Variants in CD59 observed in about 807,000 individuals in gnomAD.
CD59 encodes CD59 molecule (CD59 blood group).
In CD59, 3 loss-of-function variants were observed where a neutral mutation model predicts 7.0. The observed-to-expected ratio is 0.43, with a 90% CI of 0.19 to 1.10. CD59 has a LOEUF of 1.10. CD59 is among the 50% of genes least tolerant of loss of function. CD59 has a pLI of 0.29. For synonymous variants in CD59, 60 were observed against 62.0 expected, an observed-to-expected ratio of 0.97 and a Z score of 0.15; for missense variants, 143 against 151.0, an observed-to-expected ratio of 0.95 and a Z score of 0.28.
intron 3 of CD59, among the ~76,000 whole-genome samples, chr11:33,715,338 G>A (rs1483074406): frequency 2.0e-5 from 3 of 152,096 alleles, no homozygotes; most frequent in Non-Finnish European, 4.4e-5. Flanking sequence ...GGTAGCTCAC[G>A]CCTGTAATCC....
At chr11:33,727,570 T>C (rs1478526514) in intron 1 of CD59, among the ~76,000 whole-genome samples, 1 of 152,212 alleles carries the variant, frequency 6.6e-6, no homozygotes, top group African/African-American at 2.4e-5. Context: ...AATATCATAC[T>C]GAATGGGCAA....
intron 2 of CD59, chr11:33,718,423 C>A (rs1021034102): frequency 2.0e-5 from 3 of 152,010 alleles, no homozygotes; most frequent in African/African-American, 7.3e-5. Flanking sequence ...GCAGAGGTTG[C>A]AGTGAGCCAC....
chr11:33,729,963 T>C (rs1347562884), intron 1 of CD59, among the ~76,000 whole-genome samples: 1 of 152,120 alleles, frequency 6.6e-6, no homozygotes, highest in Non-Finnish European at 1.5e-5. Flanking sequence ...TGAAAATATA[T>C]TGGAAAATAT....
intron 1 of CD59, among the ~76,000 whole-genome samples, chr11:33,733,871 G>A (rs1590549571): frequency 6.6e-6 from 1 of 152,178 alleles, no homozygotes; most frequent in African/African-American, 2.4e-5. Flanking sequence ...ACTCCTCCTA[G>A]GAGCCTGAGG....
At position 33,711,615 on chromosome 11, in the gene CD59, T is replaced by G. The variant is rs1853563266; in HGVS notation, c.170-1272A>C. Reference sequence around the variant, plus strand: ...TCACTTGGACTCAGGACTTTAAGGCTGCAGTGAGCTATGATTGTACTGCTG... The same window carrying G: ...TCACTTGGACTCAGGACTTTAAGGCGGCAGTGAGCTATGATTGTACTGCTG... On this transcript the variant is annotated intron_variant, in intron 3 of 3. Transcript: ENST00000642928. 5.9e-5 allele frequency: 33 copies of G among 555,170 alleles called. No individual in the cohort carries two copies. In the South Asian group the frequency reaches 7.7e-4, roughly 13 times the overall value. 34.4% of individuals were successfully genotyped at this position (555,170 alleles called of 1,614,324 possible). A position where few individuals can be genotyped will look rare whatever the true frequency, so the allele number is the denominator to read the frequency against.
chr11:33,721,255 T>C (rs1341889650), intron 2 of CD59, among the ~76,000 whole-genome samples: 1 of 152,280 alleles, frequency 6.6e-6, no homozygotes, highest in South Asian at 2.1e-4. Context: ...AGGGAGAACA[T>C]ATTAAAGTGT....
intron 2 of CD59, chr11:33,718,884 G>T (rs1420332102): frequency 6.6e-6 from 1 of 152,224 alleles, no homozygotes; most frequent in Non-Finnish European, 1.5e-5. Flanking sequence ...GGAAGCAAGA[G>T]TTGGAAGGAA....
intron 3 of CD59, among the ~76,000 whole-genome samples, chr11:33,713,337 G>A (rs765453429): frequency 3.0e-4 from 45 of 152,138 alleles, no homozygotes; most frequent in African/African-American, 8.2e-4. Context: ...AGAAAAAAAC[G>A]CAGATGCATA....
At chr11:33,728,419 G>A (rs1162555412) in intron 1 of CD59, among the ~76,000 whole-genome samples, 1 of 152,198 alleles carries the variant, frequency 6.6e-6, no homozygotes. Flanking sequence ...AAGCTACAGG[G>A]AAAGGATTCC....
rs572290315 is a variant in CD59 at position 33,733,184 on chromosome 11, C to G, written c.-19+3198G>C. 7.9e-5 allele frequency among the ~76,000 whole-genome samples: 12 copies of G among 152,324 alleles called. No individual in the cohort carries two copies. In the South Asian group the frequency reaches 2.5e-3, roughly 32 times the overall value. On this transcript the variant is annotated intron_variant, in intron 1 of 3. Coordinates refer to ENST00000642928, the MANE Select transcript of CD59 (RefSeq NM_000611.6). ...AGAAACAGACTCTCCCCTAGAGCCT[C>G]CAGAGCAGCACAGAGCCCTGCCACC...
At chr11:33,732,428 TC>T (rs1390039302) in intron 1 of CD59, among the ~76,000 whole-genome samples, 1 of 152,124 alleles carries the variant, frequency 6.6e-6, no homozygotes, top group Non-Finnish European at 1.5e-5. Flanking sequence ...CATTCTTGCT[TC>T]CCCTTCTCCA....
At chr11:33,728,299 C>T (rs941651782) in intron 1 of CD59, among the ~76,000 whole-genome samples, 42 of 152,194 alleles carry the variant, frequency 2.8e-4, no homozygotes, top group Admixed American at 1.3e-3. Flanking sequence ...ACCAAAACAG[C>T]ATGGTACTGG....
intron 2 of CD59, 190 bp from the exon 3 acceptor site, chr11:33,717,661 CA>C: frequency 1.7e-6 from 1 of 597,174 alleles, no homozygotes; most frequent in South Asian, 1.8e-5. Flanking sequence ...GACCCTGATG[CA>C]AGCACAAAGG....
chr11:33,722,377 A>C lies in CD59; in HGVS notation c.67+2T>G, dbSNP rs1590535074. 2 of 1,609,174 alleles carry C rather than the reference A, an allele frequency of 1.2e-6. No individual in the cohort carries two copies. The highest frequency in any genetic ancestry group is 1.7e-6 in the Non-Finnish European group (2 of 1,175,524). On this transcript the variant is annotated splice_donor_variant, in intron 2 of 3. Coordinates refer to ENST00000642928, the MANE Select transcript of CD59 (RefSeq NM_000611.6). LOFTEE classifies it high-confidence loss of function. Reference sequence around the variant, plus strand: ...TCCATGTCCTGAGACTGGAGCACTCACCTGAATGGCAGAAGACAGCCAGGA... The same window carrying C: ...TCCATGTCCTGAGACTGGAGCACTCCCCTGAATGGCAGAAGACAGCCAGGA...
At chr11:33,735,278 C>T (rs116735044) in intron 1 of CD59, among the ~76,000 whole-genome samples, 4,355 of 152,270 alleles carry the variant, frequency 0.029, 195 homozygotes, top group African/African-American at 0.097. Flanking sequence ...GAGCGCTTTC[C>T]GTCAATCATC....
Position 33,709,911 on chromosome 11 carries a change from T to C in CD59, c.*215A>G, listed in dbSNP as rs1853463941. The C allele has an allele frequency of 3.2e-6, 2 of 623,542 alleles. No individual in the cohort carries two copies. The highest frequency in any genetic ancestry group is 5.5e-5 in the East Asian group (2 of 36,626). The allele number at this position is 623,542 out of a possible 1,614,324, so 38.6% of individuals were successfully genotyped here. A position where few individuals can be genotyped will look rare whatever the true frequency, so the allele number is the denominator to read the frequency against. On this transcript the variant is annotated 3_prime_UTR_variant, in exon 4 of 4. Coordinates refer to ENST00000642928, the MANE Select transcript of CD59 (RefSeq NM_000611.6). ...CTAGTTCAAGTCACACCTACTTCAC[T>C]CTTAGACTTCTTCCTTCAAGTGGGG... is the stretch of plus-strand genomic sequence containing the variant.
At chr11:33,730,084 T>C (rs572784422) in intron 1 of CD59, among the ~76,000 whole-genome samples, 16 of 152,188 alleles carry the variant, frequency 1.1e-4, no homozygotes, top group Non-Finnish European at 1.9e-4. Context: ...TGTATATAGA[T>C]ACTAGTCTAT....
chr11:33,735,089 CCTT>C (rs1854527014), intron 1 of CD59, among the ~76,000 whole-genome samples: 1 of 152,208 alleles, frequency 6.6e-6, no homozygotes, highest in African/African-American at 2.4e-5. Flanking sequence ...TTCTGCCTCT[CCTT>C]CATAAACTGC....
At chr11:33,724,092 C>T (rs1319441851) in intron 1 of CD59, among the ~76,000 whole-genome samples, 2 of 152,114 alleles carry the variant, frequency 1.3e-5, no homozygotes, top group African/African-American at 4.8e-5. Flanking sequence ...CTGGGTGACA[C>T]AGCAAGGTCC....
Sources: gnomAD v4.1 joint callset for allele counts (sites outside exome capture counted in the v4.1 genomes callset) on GRCh38, gnomAD v4.1.1 for gene constraint, MANE v1.5 for transcripts, NCBI Gene and HGNC (gene_info 2026-07-23, HGNC 2026-07-21) for gene names.